ANKRD62: variants seen among roughly 807,000 people sequenced by gnomAD.
ANKRD62 encodes the protein ankyrin repeat domain-containing protein 62.
Under a neutral mutation model 98.8 loss-of-function variants are expected in ANKRD62, and 61 were observed. That is an observed-to-expected ratio of 0.62 (90% CI 0.50 to 0.76). The LOEUF (loss-of-function observed/expected upper bound fraction) is 0.76, where lower values mean the gene tolerates loss of function less well. Among genes scored for constraint, ANKRD62 ranks in the 30% least tolerant of loss-of-function variants. ANKRD62 has a pLI of 0.00. For synonymous variants in ANKRD62, 341 were observed against 367.9 expected (o/e 0.93, Z 0.84); for missense variants, 933 against 1,082.9 (o/e 0.86, Z 1.94).
the ANKRD62 span, among the ~76,000 whole-genome samples, chr18:12,175,669 C>A: frequency 6.6e-6 from 1 of 151,790 alleles, no homozygotes. Flanking sequence ...AGGCTGGGGC[C>A]CCAGGACTTT....
At chr18:12,106,193 C>T (rs187615380) in intron 7 of ANKRD62, among the ~76,000 whole-genome samples, 188 of 152,164 alleles carry the variant, frequency 1.2e-3, no homozygotes, top group African/African-American at 4.2e-3. Flanking sequence ...TCACAACTTC[C>T]GCATGTTTCT....
At chr18:12,145,144 G>T in the ANKRD62 span, among the ~76,000 whole-genome samples, 1 of 152,094 alleles carries the variant, frequency 6.6e-6, no homozygotes, top group Non-Finnish European at 1.5e-5. Context: ...GCTGTGCTGT[G>T]CTGTGCTGGG....
chr18:12,106,377 A>G (rs567910472), intron 7 of ANKRD62, among the ~76,000 whole-genome samples: 2 of 152,290 alleles, frequency 1.3e-5, no homozygotes, highest in Admixed American at 1.3e-4. Flanking sequence ...GGTGATGTTC[A>G]TCTTAAAAAG....
chr18:12,179,574 C>G, the ANKRD62 span, among the ~76,000 whole-genome samples: 1 of 151,566 alleles, frequency 6.6e-6, no homozygotes, highest in Non-Finnish European at 1.5e-5. Flanking sequence ...CCCTTCACTA[C>G]AGTGGCAGAT....
chr18:12,107,403 A>G lies in ANKRD62; in HGVS notation c.1000A>G (p.Lys334Glu), dbSNP rs1220075387. 7 of 1,524,724 alleles carry G rather than the reference A, an allele frequency of 4.6e-6. No individual in the cohort carries two copies. The African/African-American group carries it at 9.6e-5, about 21-fold the overall frequency. 94.4% of individuals were successfully genotyped at this position (1,524,724 alleles called of 1,614,324 possible). ...TGATGATGTTGATGAATTAATTCAC[A>G]AAATAAAGAACAGAAAACCTGATAA... is the stretch of plus-strand genomic sequence containing the variant. Reference protein sequence around the residue: ...YNDDVDELIHKIKNRKPDNHQ... With the variant: ...YNDDVDELIHEIKNRKPDNHQ... The change falls in exon 8 of 14, where the codon AAA (lysine) becomes GAA (glutamate). Residue 334 changes from lysine (K) to glutamate (E), a missense_variant. Physicochemically the swap from Lys to Glu is moderately conservative, Grantham distance 56. Transcript: ENST00000587848.
chr18:12,115,659 T>C, intron 10 of ANKRD62, 125 bp downstream of exon 10: 2 of 851,844 alleles, frequency 2.3e-6, no homozygotes, highest in Non-Finnish European at 1.7e-6. Flanking sequence ...AATATCCTTC[T>C]TGTGAACATA....
the ANKRD62 span, among the ~76,000 whole-genome samples, chr18:12,141,780 T>C: frequency 3.3e-4 from 14 of 43,038 alleles, no homozygotes; most frequent in East Asian, 5.6e-3. Flanking sequence ...CATCTCTGCA[T>C]GTGGGTGTTC....
chr18:12,095,452 G>C lies in ANKRD62; in HGVS notation c.349G>C (p.Glu117Gln). ...ATACTGACAGGCTGTACAATGTCAA[G>C]AAGAAGTTTGTGCATCCATCCTGCT... ...TALIKAVQCQ[E>Q]EVCASILLEH... Residue 117 changes from glutamate (E) to glutamine (Q), a missense_variant, in exon 3 of 14, where the codon GAA (glutamate) becomes CAA (glutamine). Glu to Gln is a conservative substitution (Grantham distance 29). Transcript: ENST00000587848. 6.4e-7 allele frequency: 1 copy of C among 1,573,118 alleles called. No individual in the cohort carries two copies. Among genetic ancestry groups the C allele is most frequent in the Non-Finnish European group, 8.6e-7 (1 of 1,164,442 alleles).
At chr18:12,161,411 G>A in the ANKRD62 span, among the ~76,000 whole-genome samples, 1 of 151,934 alleles carries the variant, frequency 6.6e-6, no homozygotes, top group East Asian at 1.9e-4. Context: ...TTTATTTTGT[G>A]AGTACATAGT....
chr18:12,124,066 A>G, intron 11 of ANKRD62, 71 bp from the exon 12 acceptor site: 1 of 762,594 alleles, frequency 1.3e-6, no homozygotes, highest in Non-Finnish European at 2.0e-6. Context: ...TGGGCACTTT[A>G]TTAGGATAAT....
intron 6 of ANKRD62, chr18:12,102,445 G>T: frequency 2.1e-6 from 1 of 465,928 alleles, no homozygotes; most frequent in Non-Finnish European, 4.1e-6. Context: ...CACCGCGAAG[G>T]GTACTCAGTC....
intron 5 of ANKRD62, among the ~76,000 whole-genome samples, chr18:12,099,061 T>C (rs1364023338): frequency 6.6e-6 from 1 of 152,164 alleles, no homozygotes; most frequent in Non-Finnish European, 1.5e-5. Flanking sequence ...CTACAAATAA[T>C]AGAACAAGTA....
At chr18:12,103,958 A>C (rs1274777832) in intron 7 of ANKRD62, among the ~76,000 whole-genome samples, 6 of 152,106 alleles carry the variant, frequency 3.9e-5, no homozygotes, top group Non-Finnish European at 8.8e-5. Context: ...AAAATGTAAG[A>C]ATTTGCTTTT....
At chr18:12,126,595 T>G (rs1909898720) in intron 13 of ANKRD62, among the ~76,000 whole-genome samples, 1 of 152,190 alleles carries the variant, frequency 6.6e-6, no homozygotes, top group African/African-American at 2.4e-5. Flanking sequence ...ATGTGACACT[T>G]AGGAAATTTT....
intron 8 of ANKRD62, among the ~76,000 whole-genome samples, chr18:12,108,574 C>T (rs1327113300): frequency 1.3e-5 from 2 of 152,082 alleles, no homozygotes; most frequent in African/African-American, 2.4e-5. Context: ...CACCCTGGCC[C>T]CTTTCAAATC....
At chr18:12,106,878 A>G (rs549356716) in intron 7 of ANKRD62, among the ~76,000 whole-genome samples, 2 of 152,324 alleles carry the variant, frequency 1.3e-5, no homozygotes, top group African/African-American at 4.8e-5. Context: ...TTGAAGCCCC[A>G]CAATATCACA....
the ANKRD62 span, among the ~76,000 whole-genome samples, chr18:12,168,626 T>A: frequency 6.6e-6 from 1 of 152,230 alleles, no homozygotes; most frequent in African/African-American, 2.4e-5. Flanking sequence ...AGGCTCTTCT[T>A]TCATTCCATG....
chr18:12,096,048 G>C, intron 3 of ANKRD62, 148 bp from the exon 4 acceptor site: 2 of 625,064 alleles, frequency 3.2e-6, no homozygotes, highest in Non-Finnish European at 5.5e-6. Context: ...CAACATGTGG[G>C]CAAGCACAGT....
chr18:12,174,176 G>T, the ANKRD62 span, among the ~76,000 whole-genome samples: 1 of 152,072 alleles, frequency 6.6e-6, no homozygotes, highest in African/African-American at 2.4e-5. Flanking sequence ...ATTTCTCAGA[G>T]GTTTTGTTCA....
Sources: allele counts gnomAD v4.1 joint callset (sites outside exome capture counted in the v4.1 genomes callset), GRCh38; gene constraint gnomAD v4.1.1; transcripts MANE v1.5; gene names NCBI Gene and HGNC (gene_info 2026-07-23, HGNC 2026-07-21).